Variants in ZNF215 observed in about 807,000 individuals in gnomAD.
The protein encoded by ZNF215 is BWSCR2-associated zinc finger protein 2.
A neutral mutation model predicts 27.2 loss-of-function variants in ZNF215; 24 were observed. That is an observed-to-expected ratio of 0.88 (90% confidence interval 0.64 to 1.24). ZNF215 has a LOEUF of 1.24. ZNF215 is among the 50% of genes most tolerant of loss of function. The probability of loss-of-function intolerance (pLI) is 0.00; values close to 1 mark genes in which losing one functional copy is unlikely to be tolerated. For synonymous variants in ZNF215, 210 were observed against 204.0 expected, an observed-to-expected ratio of 1.03 and a Z score of -0.25; for missense variants, 675 against 605.7, an observed-to-expected ratio of 1.11 and a Z score of -1.20.
chr11:6,972,680 T>G (rs1478651293), intron 5 of ZNF215, among the ~76,000 whole-genome samples: 1 of 152,156 alleles, frequency 6.6e-6, no homozygotes, highest in Non-Finnish European at 1.5e-5. Context: ...AAGGTGGAAT[T>G]TCAAGGAAAG....
At chr11:6,951,056 A>T (rs532371071) in intron 6 of ZNF215, among the ~76,000 whole-genome samples, 23 of 152,190 alleles carry the variant, frequency 1.5e-4, no homozygotes, top group Non-Finnish European at 3.1e-4. Flanking sequence ...CGTATATTGA[A>T]CCAGCCTTGC....
intron 6 of ZNF215, among the ~76,000 whole-genome samples, chr11:6,953,351 C>T (rs1244345921): frequency 6.6e-6 from 1 of 152,184 alleles, no homozygotes; most frequent in South Asian, 2.1e-4. Flanking sequence ...GTTCCATTTT[C>T]CCCGTCACTT....
At chr11:6,985,137 C>T (rs1437963400), downstream of ZNF215, among the ~76,000 whole-genome samples, 1 of 152,114 alleles carries the variant, frequency 6.6e-6, no homozygotes, top group Non-Finnish European at 1.5e-5. Flanking sequence ...AACATAGACA[C>T]ACCAATTCTC....
At chr11:6,989,492 C>T (rs1219530588), downstream of ZNF215, among the ~76,000 whole-genome samples, 3 of 152,180 alleles carry the variant, frequency 2.0e-5, no homozygotes, top group Non-Finnish European at 4.4e-5. Context: ...CACACCCACC[C>T]ATGAACTGAG....
rs1369102636 is a variant in ZNF215, at chr11:6,957,940, A to T, written c.*1409A>T. 2.0e-6 allele frequency: 2 copies of T among 985,318 alleles called. No individual in the cohort carries two copies. Among genetic ancestry groups the T allele is most frequent in the East Asian group, 2.3e-4 (2 of 8,832 alleles). The allele number at this position is 985,318 out of a possible 1,614,324, so 61.0% of individuals were successfully genotyped here. A position where few individuals can be genotyped will look rare whatever the true frequency, so the allele number is the denominator to read the frequency against. ...GCCCCAAAAAATTCACACTGGAGACATTCCCAATTAATGATGATGGTAGCT... is the reference window on the plus strand; with the variant it reads ...GCCCCAAAAAATTCACACTGGAGACTTTCCCAATTAATGATGATGGTAGCT... On this transcript the variant is annotated 3_prime_UTR_variant, in exon 7 of 7. Coordinates refer to ENST00000278319, the MANE Select transcript of ZNF215 (RefSeq NM_013250.4).
chr11:6,982,943 C>T (rs1350573039), intron 5 of ZNF215, among the ~76,000 whole-genome samples: 1 of 150,160 alleles, frequency 6.7e-6, no homozygotes, highest in Non-Finnish European at 1.5e-5. Flanking sequence ...CACAAAAAAC[C>T]CTTCAAAAAA....
At chr11:6,974,408 G>A (rs1479793886) in intron 5 of ZNF215, among the ~76,000 whole-genome samples, 3 of 152,170 alleles carry the variant, frequency 2.0e-5, no homozygotes, top group Non-Finnish European at 2.9e-5. Flanking sequence ...GAACTTTAAA[G>A]TAGTTTTTTC....
Position 6,932,097 on chromosome 11 carries a change from C to T in ZNF215, c.-176C>T, listed in dbSNP as rs565961382. 170 of 644,726 alleles carry T rather than the reference C, an allele frequency of 2.6e-4. No homozygotes were observed. In the East Asian group the frequency reaches 4.5e-3, roughly 17 times the overall value. The allele number at this position is 644,726 out of a possible 1,614,324, so 39.9% of individuals were successfully genotyped here. A position where few individuals can be genotyped will look rare whatever the true frequency, so the allele number is the denominator to read the frequency against. On this transcript the variant is annotated 5_prime_UTR_variant, in exon 3 of 7. Transcript: ENST00000278319. ...GTTAATTTCTATCTTTTTTCAGTTGCTCAGGTACCTGAATATTGGCTTTGT... is the reference window on the plus strand; with the variant it reads ...GTTAATTTCTATCTTTTTTCAGTTGTTCAGGTACCTGAATATTGGCTTTGT...
intron 5 of ZNF215, among the ~76,000 whole-genome samples, chr11:6,967,927 G>T (rs966813331): frequency 6.6e-6 from 1 of 151,938 alleles, no homozygotes; most frequent in African/African-American, 2.4e-5. Flanking sequence ...TAGGTCTTAC[G>T]TTTGTCTTTA....
Position 6,932,147 on chromosome 11 carries a change from C to T in ZNF215, c.-126C>T, listed in dbSNP as rs1362472711. The T allele has an allele frequency of 4.0e-6, 5 of 1,236,388 alleles. No individual in the cohort carries two copies. The East Asian group carries it at 7.1e-5, about 18-fold the overall frequency. The allele number at this position is 1,236,388 out of a possible 1,614,324, so 76.6% of individuals were successfully genotyped here. A position where few individuals can be genotyped will look rare whatever the true frequency, so the allele number is the denominator to read the frequency against. On this transcript the variant is annotated 5_prime_UTR_variant, in exon 3 of 7. Transcript: ENST00000278319. ...TGTCTAAAGTTTCTGGAACTTTCCT[C>T]CTTACCGTGAAATAACTTGGCTTAA...
intron 2 of ZNF215, among the ~76,000 whole-genome samples, chr11:6,929,682 T>TA (rs756539631): frequency 6.6e-6 from 1 of 152,206 alleles, no homozygotes; most frequent in Non-Finnish European, 1.5e-5. Flanking sequence ...CGAGGCTACA[T>TA]ACTGCCAACA....
chr11:6,936,416 A>G (rs1006259072), intron 3 of ZNF215, among the ~76,000 whole-genome samples: 25 of 152,206 alleles, frequency 1.6e-4, no homozygotes, highest in African/African-American at 5.8e-4. Flanking sequence ...TTCCAAAAAC[A>G]CAAATGACCA....
chr11:6,943,835 G>C (rs1849721591), intron 6 of ZNF215, among the ~76,000 whole-genome samples, 194 bp downstream of exon 6: 1 of 152,186 alleles, frequency 6.6e-6, no homozygotes, highest in Non-Finnish European at 1.5e-5. Context: ...CATAAGGTTA[G>C]GGATAGGACC....
At chr11:6,986,284 C>T (rs1049283551), downstream of ZNF215, among the ~76,000 whole-genome samples, 8 of 152,004 alleles carry the variant, frequency 5.3e-5, no homozygotes, top group Admixed American at 2.0e-4. Flanking sequence ...GGTGAAAAAA[C>T]TCCCTATTCA....
intron 6 of ZNF215, among the ~76,000 whole-genome samples, chr11:6,952,916 T>G (rs990782917): frequency 2.6e-5 from 4 of 152,080 alleles, no homozygotes; most frequent in Admixed American, 1.3e-4. Flanking sequence ...AGGAGCTCTT[T>G]TAGGGCAGGC....
At chr11:6,977,750 C>T (rs560075406) in intron 5 of ZNF215, among the ~76,000 whole-genome samples, 6 of 152,084 alleles carry the variant, frequency 3.9e-5, no homozygotes, top group Non-Finnish European at 7.4e-5. Flanking sequence ...TTGTATATGC[C>T]ATCCAGTCTG....
At position 6,957,492 on chromosome 11, in the gene ZNF215, T is replaced by C. The variant is rs1564967632; in HGVS notation, c.*961T>C. On this transcript the variant is annotated 3_prime_UTR_variant, in exon 7 of 7. Transcript: ENST00000278319. ...ATGGCCCTGTACTGGAATAACAGGG[T>C]AAATAATTATCTTATCTGTTTTTAT... 6.8e-6 allele frequency: 1 copy of C among 146,070 alleles called. No homozygotes were observed. The highest frequency in any genetic ancestry group is 3.3e-5 in the African/African-American group (1 of 30,348). 9.0% of individuals were successfully genotyped at this position (146,070 alleles called of 1,614,324 possible).
At chr11:6,947,734 G>C (rs1033962691) in intron 6 of ZNF215, among the ~76,000 whole-genome samples, 15 of 152,146 alleles carry the variant, frequency 9.9e-5, no homozygotes, top group African/African-American at 3.6e-4. Flanking sequence ...TGACTTAAAA[G>C]AGCAATCATT....
At chr11:6,961,979 A>G (rs1850525025), downstream of ZNF215, among the ~76,000 whole-genome samples, 1 of 152,120 alleles carries the variant, frequency 6.6e-6, no homozygotes, top group African/African-American at 2.4e-5. Flanking sequence ...TCTATTTTGT[A>G]GAGCCGCTTT....
Sources: gnomAD v4.1 joint callset for allele counts (sites outside exome capture counted in the v4.1 genomes callset) on GRCh38, gnomAD v4.1.1 for gene constraint, MANE v1.5 for transcripts, NCBI Gene and HGNC (gene_info 2026-07-23, HGNC 2026-07-21) for gene names.